FNDC3A: variants seen among roughly 807,000 people sequenced by gnomAD.
FNDC3A encodes fibronectin type III domain containing 3A, also known as fibronectin type-III domain-containing protein 3A.
FNDC3A carries 32 observed loss-of-function variants against 148.9 expected under a neutral mutation model. The ratio of observed to expected loss-of-function variants is 0.21; its 90% confidence interval spans 0.16 to 0.29. The LOEUF (loss-of-function observed/expected upper bound fraction) is 0.29. Among genes scored for constraint, FNDC3A ranks in the 10% least tolerant of loss-of-function variants. The probability of loss-of-function intolerance (pLI) is 1.00; values close to 1 mark genes in which losing one functional copy is unlikely to be tolerated. For missense variants in FNDC3A, 1,191 were observed against 1,452.8 expected (o/e 0.82, Z 2.93); for synonymous variants, 472 against 473.6 (o/e 1.00, Z 0.04).
At chr13:49,187,758 T>G (rs905953333) in intron 16 of FNDC3A, 4 of 802,664 alleles carry the variant, frequency 5.0e-6, no homozygotes, top group African/African-American at 1.8e-5. Context: ...TTTTCCTGGA[T>G]TTTTTTTTTC....
At chr13:49,070,236 G>A (rs1002020479) in intron 2 of FNDC3A, among the ~76,000 whole-genome samples, 4 of 151,844 alleles carry the variant, frequency 2.6e-5, no homozygotes, top group Non-Finnish European at 5.9e-5. Flanking sequence ...GGTTCAAGCA[G>A]TTCTCCTGCC....
intron 2 of FNDC3A, among the ~76,000 whole-genome samples, chr13:49,039,559 C>T (rs1030765030): frequency 2.0e-5 from 3 of 152,118 alleles, no homozygotes; most frequent in Non-Finnish European, 4.4e-5. Flanking sequence ...TCCAAGCCAT[C>T]GTATCTTTTT....
chr13:49,183,898 A>G (rs377396180), intron 14 of FNDC3A, among the ~76,000 whole-genome samples: 3 of 152,202 alleles, frequency 2.0e-5, no homozygotes, highest in East Asian at 1.9e-4. Context: ...CATTCAACCA[A>G]TATCTGTTGA....
chr13:49,161,832 A>T (rs1884144465), intron 8 of FNDC3A, among the ~76,000 whole-genome samples: 1 of 151,814 alleles, frequency 6.6e-6, no homozygotes, highest in Admixed American at 6.6e-5. Flanking sequence ...TTTGCTTGTA[A>T]ATTTGTCTGT....
At chr13:49,127,621 C>T (rs1355607136) in intron 4 of FNDC3A, among the ~76,000 whole-genome samples, 5 of 152,182 alleles carry the variant, frequency 3.3e-5, no homozygotes, top group African/African-American at 4.8e-5. Context: ...TTCCTTCTGC[C>T]TCGCTTGGTC....
intron 11 of FNDC3A, among the ~76,000 whole-genome samples, chr13:49,173,035 T>C (rs907302179): frequency 1.3e-5 from 2 of 152,242 alleles, no homozygotes; most frequent in Admixed American, 1.3e-4. Context: ...ATGACAAAAA[T>C]ATCTCATAAT....
At chr13:49,189,349 A>C (rs1260769921) in intron 17 of FNDC3A, among the ~76,000 whole-genome samples, 1 of 151,824 alleles carries the variant, frequency 6.6e-6, no homozygotes, top group Non-Finnish European at 1.5e-5. Context: ...CAACTGGCTA[A>C]TTTTTGTATT....
intron 2 of FNDC3A, among the ~76,000 whole-genome samples, chr13:49,070,948 G>T (rs554734398): frequency 1.4e-5 from 2 of 145,080 alleles, no homozygotes; most frequent in African/African-American, 5.1e-5. Context: ...GCCCAGGTTG[G>T]AGTGCAGTGG....
chr13:49,182,627 A>G (rs1330768340), intron 14 of FNDC3A, among the ~76,000 whole-genome samples: 1 of 151,912 alleles, frequency 6.6e-6, no homozygotes, highest in East Asian at 1.9e-4. Flanking sequence ...ACCTTTAGAT[A>G]CTTTCACTTT....
intron 12 of FNDC3A, 105 bp downstream of exon 12, chr13:49,174,664 G>T (rs1246513731): frequency 5.8e-6 from 6 of 1,043,226 alleles, no homozygotes; most frequent in Non-Finnish European, 8.2e-6. Context: ...ATTCTGCTTA[G>T]TTTATCTCTT....
intron 1 of FNDC3A, among the ~76,000 whole-genome samples, chr13:48,987,022 T>C (rs1178702429): frequency 6.6e-6 from 1 of 152,236 alleles, no homozygotes; most frequent in East Asian, 1.9e-4. Context: ...CCAGAAAATA[T>C]TCAGAAACTA....
intron 4 of FNDC3A, among the ~76,000 whole-genome samples, chr13:49,128,979 T>C (rs962449667): frequency 6.6e-6 from 1 of 152,260 alleles, no homozygotes; most frequent in African/African-American, 2.4e-5. Flanking sequence ...ACACTTCTAA[T>C]AGCCCTTACC....
At chr13:48,985,951 CTTTGA>C (rs1370965649) in intron 1 of FNDC3A, among the ~76,000 whole-genome samples, 1 of 152,212 alleles carries the variant, frequency 6.6e-6, no homozygotes, top group Non-Finnish European at 1.5e-5. Context: ...GGGTGGACAG[CTTTGA>C]TTTATGTCGG....
intron 7 of FNDC3A, among the ~76,000 whole-genome samples, chr13:49,140,999 G>A (rs746077960): frequency 1.1e-4 from 16 of 152,098 alleles, no homozygotes; most frequent in Non-Finnish European, 2.1e-4. Flanking sequence ...AAAAGCACTG[G>A]ACATGGCACA....
At chr13:49,206,357 C>G (rs1376260654) in intron 25 of FNDC3A, among the ~76,000 whole-genome samples, 1 of 151,790 alleles carries the variant, frequency 6.6e-6, no homozygotes, top group Admixed American at 6.6e-5. Flanking sequence ...GCCTAGTGTT[C>G]CATTATTGGA....
At chr13:49,089,304 A>G (rs11617719) in intron 3 of FNDC3A, among the ~76,000 whole-genome samples, 22,057 of 152,238 alleles carry the variant, frequency 0.14, 2,170 homozygotes, top group Non-Finnish European at 0.21. Flanking sequence ...GTGGTAGGCA[A>G]AATTCTAGGA....
chr13:49,080,396 C>T (rs80287935), intron 3 of FNDC3A, among the ~76,000 whole-genome samples: 2,853 of 152,222 alleles, frequency 0.019, 94 homozygotes, highest in African/African-American at 0.064. Context: ...TTTCCCCCTT[C>T]TTTAACCATT....
rs370331477 is a variant in FNDC3A, at chr13:49,060,136, C to T, written c.100-15153C>T. ...TTAAACATAAGAATTACCATATGACCTAATTATTCCACAAGTACTATGTGG... is the reference window on the plus strand; with the variant it reads ...TTAAACATAAGAATTACCATATGACTTAATTATTCCACAAGTACTATGTGG... On this transcript the variant is annotated intron_variant, in intron 2 of 25. Transcript: ENST00000492622. Among the ~76,000 whole-genome samples the T allele has an allele frequency of 7.9e-5, 12 of 152,248 alleles. No individual in the cohort carries two copies. In the East Asian group the frequency reaches 1.3e-3, roughly 17 times the overall value.
At chr13:49,067,755 T>C (rs1877361278) in intron 2 of FNDC3A, among the ~76,000 whole-genome samples, 1 of 152,206 alleles carries the variant, frequency 6.6e-6, no homozygotes, top group Non-Finnish European at 1.5e-5. Context: ...TCAGAAATTG[T>C]AATATCTACA....
Sources: gnomAD v4.1 joint callset for allele counts (sites outside exome capture counted in the v4.1 genomes callset) on GRCh38, gnomAD v4.1.1 for gene constraint, MANE v1.5 for transcripts, NCBI Gene and HGNC (gene_info 2026-07-23, HGNC 2026-07-21) for gene names.